Variants in SSPN observed in about 807,000 individuals in gnomAD.
The protein encoded by SSPN is sarcospan, also known as K-ras oncogene-associated protein.
SSPN carries 15 observed loss-of-function variants against 19.1 expected under a neutral mutation model. The observed-to-expected ratio is 0.78, with a 90% confidence interval of 0.52 to 1.21. The LOEUF is 1.21. Ranked by LOEUF, SSPN falls within the 50% of genes most tolerant of loss-of-function variation. The pLI, the probability that SSPN is intolerant of heterozygous loss-of-function variation, is 0.00. For synonymous variants in SSPN, 147 were observed against 140.3 expected, an observed-to-expected ratio of 1.05 and a Z score of -0.34; for missense variants, 291 against 314.0, an observed-to-expected ratio of 0.93 and a Z score of 0.55.
intron 1 of SSPN, among the ~76,000 whole-genome samples, chr12:26,143,027 T>G (rs747553917): frequency 1.3e-5 from 2 of 152,240 alleles, no homozygotes; most frequent in African/African-American, 2.4e-5. Context: ...TACTCCTAGA[T>G]AGTAAACTTC....
At chr12:26,225,779 A>C (rs1004232529) in intron 2 of SSPN, among the ~76,000 whole-genome samples, 4 of 150,162 alleles carry the variant, frequency 2.7e-5, no homozygotes, top group African/African-American at 7.4e-5. Flanking sequence ...CAGAAAGCTT[A>C]GTAAGAAATG....
intron 2 of SSPN, among the ~76,000 whole-genome samples, chr12:26,228,261 T>G (rs1945196720): frequency 6.6e-6 from 1 of 151,096 alleles, no homozygotes; most frequent in South Asian, 2.1e-4. Flanking sequence ...TAGCTGGGTG[T>G]GGTGGCACAC....
chr12:26,212,233 A>G (rs1294279473), intron 1 of SSPN, among the ~76,000 whole-genome samples: 1 of 152,186 alleles, frequency 6.6e-6, no homozygotes, highest in Non-Finnish European at 1.5e-5. Context: ...TACATTTACA[A>G]TAATTCAGAT....
At chr12:26,173,587 T>C (rs868049551) in intron 1 of SSPN, among the ~76,000 whole-genome samples, 2 of 152,342 alleles carry the variant, frequency 1.3e-5, no homozygotes, top group Middle Eastern at 3.4e-3. Flanking sequence ...CTTTTTTCTC[T>C]TCCTGTTTTA....
intron 1 of SSPN, among the ~76,000 whole-genome samples, chr12:26,169,999 G>A (rs546391994): frequency 8.5e-5 from 13 of 152,250 alleles, no homozygotes; most frequent in African/African-American, 3.1e-4. Flanking sequence ...CAGAGGTGGA[G>A]AGAGAACTTG....
intron 1 of SSPN, among the ~76,000 whole-genome samples, chr12:26,188,063 A>G (rs930449395): frequency 1.3e-5 from 2 of 152,234 alleles, no homozygotes; most frequent in African/African-American, 4.8e-5. Context: ...GTTTGCATCA[A>G]CTATTGTACT....
intron 1 of SSPN, among the ~76,000 whole-genome samples, chr12:26,132,242 CTCCTA>C (rs1447353747): frequency 6.6e-6 from 1 of 152,188 alleles, no homozygotes; most frequent in East Asian, 1.9e-4. Flanking sequence ...ATCTTGGGAT[CTCCTA>C]TCCAATCCTC....
At chr12:26,207,599 T>A (rs1198504840) in intron 1 of SSPN, among the ~76,000 whole-genome samples, 4 of 152,172 alleles carry the variant, frequency 2.6e-5, no homozygotes, top group Admixed American at 2.6e-4. Flanking sequence ...TTTATACAGA[T>A]GGTATCATAT....
chr12:26,219,848 C>A (rs902503995), intron 1 of SSPN, among the ~76,000 whole-genome samples: 1 of 152,190 alleles, frequency 6.6e-6, no homozygotes, highest in African/African-American at 2.4e-5. Flanking sequence ...TGTGACACCA[C>A]CATCTGGGTG....
Position 26,230,701 on chromosome 12 carries a change from T to A in SSPN, c.367-10T>A, listed in dbSNP as rs766656113. 1 of 1,589,450 alleles carries A rather than the reference T, an allele frequency of 6.3e-7. No homozygotes were observed. The highest frequency in any genetic ancestry group is 1.7e-5 in the Admixed American group (1 of 57,392). ...TGTAACCAGAAAGGTTTTCTTCTGC[T>A]TTCTTGCAGCTGTTATACTTTCTGC... On this transcript the variant is annotated splice_polypyrimidine_tract_variant and intron_variant, in intron 2 of 2. Coordinates refer to ENST00000242729, the MANE Select transcript of SSPN (RefSeq NM_005086.5).
chr12:26,210,546 T>G (rs556511300), intron 1 of SSPN, among the ~76,000 whole-genome samples: 25 of 152,078 alleles, frequency 1.6e-4, no homozygotes, highest in Non-Finnish European at 3.4e-4. Context: ...CTCTCCCCCT[T>G]ACAATTTATT....
chr12:26,208,257 A>G (rs1944949988), intron 1 of SSPN, among the ~76,000 whole-genome samples: 1 of 152,172 alleles, frequency 6.6e-6, no homozygotes, highest in Non-Finnish European at 1.5e-5. Flanking sequence ...AATTGGACTA[A>G]CTTACACCTC....
intron 1 of SSPN, among the ~76,000 whole-genome samples, chr12:26,142,510 T>G (rs935940407): frequency 2.6e-5 from 4 of 152,172 alleles, no homozygotes; most frequent in Non-Finnish European, 5.9e-5. Context: ...GAGTAGTACC[T>G]TCAATAAGAA....
At chr12:26,123,714 C>T (rs199983952) in intron 1 of SSPN, 1 of 1,614,024 alleles carries the variant, frequency 6.2e-7, no homozygotes, top group East Asian at 2.2e-5. Flanking sequence ...AATTCCAAGA[C>T]TACAGCTTTC....
At chr12:26,222,692 A>G (rs1382743263) in intron 1 of SSPN, among the ~76,000 whole-genome samples, 1 of 152,260 alleles carries the variant, frequency 6.6e-6, no homozygotes, top group Non-Finnish European at 1.5e-5. Flanking sequence ...GAATGTGAAT[A>G]GATATACTTT....
At chr12:26,152,533 CTCTT>C (rs1332207519) in intron 1 of SSPN, among the ~76,000 whole-genome samples, 1 of 152,190 alleles carries the variant, frequency 6.6e-6, no homozygotes, top group Non-Finnish European at 1.5e-5. Context: ...AATGCCATCT[CTCTT>C]TCCCTTATCA....
Position 26,124,749 on chromosome 12 carries a change from T to G in SSPN, c.-31+2597T>G. 2 of 1,614,194 alleles carry G rather than the reference T, an allele frequency of 1.2e-6. 1 individual carries two copies. On this transcript the variant is annotated intron_variant, in intron 1 of 2. Transcript: ENST00000538142. ...AAATCTCTATGTTCCAGTAACTGTC[T>G]CTCTTGCAAATGAGGAATTCCTTCG... is the stretch of plus-strand genomic sequence containing the variant.
intron 1 of SSPN, among the ~76,000 whole-genome samples, chr12:26,128,621 A>G (rs1449851981): frequency 2.0e-5 from 3 of 152,160 alleles, no homozygotes; most frequent in African/African-American, 7.2e-5. Context: ...AGAAACTAGA[A>G]TGCCATCTTT....
upstream of SSPN, among the ~76,000 whole-genome samples, chr12:26,190,684 G>T (rs1233119587): frequency 6.6e-6 from 1 of 152,110 alleles, no homozygotes; most frequent in Non-Finnish European, 1.5e-5. Context: ...TTGGTGAGAT[G>T]AATTTATAAA....
Sources: allele counts gnomAD v4.1 joint callset (sites outside exome capture counted in the v4.1 genomes callset), GRCh38; gene constraint gnomAD v4.1.1; transcripts MANE v1.5; gene names NCBI Gene and HGNC (gene_info 2026-07-23, HGNC 2026-07-21).